Variants in PLIN4 observed in about 807,000 individuals in gnomAD.
The protein encoded by PLIN4 is perilipin-4.
In PLIN4, 57 loss-of-function variants were observed where a neutral mutation model predicts 52.4. That is an observed-to-expected ratio of 1.09 (90% CI 0.88 to 1.36). The LOEUF is 1.36. PLIN4 is among the 40% of genes most tolerant of loss of function. The pLI, the probability that PLIN4 is intolerant of heterozygous loss-of-function variation, is 0.00. For missense variants in PLIN4, 1,757 were observed against 1,770.3 expected, an observed-to-expected ratio of 0.99 and a Z score of 0.13; for synonymous variants, 826 against 785.4, an observed-to-expected ratio of 1.05 and a Z score of -0.86.
Position 4,510,679 on chromosome 19 carries a change from G to A in PLIN4, c.3281C>T (p.Thr1094Met), listed in dbSNP as rs372312491. The stretch of plus-strand genomic sequence containing the variant: ...GCCTACACTGAGCACATCCGGGGGC[G>A]TGGAGATGCCAGAGAACGGGGCCTC... The part of the protein sequence containing the change: ...PQEAPFSGIS[T>M]PPDVLSVGPE... The change falls in exon 5 of 8, where the codon ACG (threonine) becomes ATG (methionine). Residue 1094 changes from threonine (T) to methionine (M), a missense_variant. This residue lies in a region of PLIN4 where 712 missense variants were observed against 637.1 expected (regional missense o/e 1.12). Coordinates refer to ENST00000301286, the MANE Select transcript of PLIN4 (RefSeq NM_001367868.2). The A allele has an allele frequency of 6.7e-5, 102 of 1,520,812 alleles. No homozygotes were observed. The highest frequency in any genetic ancestry group is 3.2e-4 in the East Asian group (14 of 44,150). 94.2% of individuals were successfully genotyped at this position (1,520,812 alleles called of 1,614,324 possible).
intron 4 of PLIN4, among the ~76,000 whole-genome samples, chr19:4,514,190 G>A (rs1455041720): frequency 6.6e-6 from 1 of 152,306 alleles, no homozygotes; most frequent in South Asian, 2.1e-4. Context: ...GATGGCTGAT[G>A]CCTGCAATCC....
chr19:4,516,576 G>A, intron 4 of PLIN4, 41 bp downstream of exon 4: 2 of 1,571,790 alleles, frequency 1.3e-6, no homozygotes, highest in Non-Finnish European at 8.6e-7. Flanking sequence ...GCACCCCCAG[G>A]GCTCCTGCCA....
At chr19:4,513,754 AC>A in intron 4 of PLIN4, 53 bp from the exon 5 acceptor site, 2 of 1,510,692 alleles carry the variant, frequency 1.3e-6, no homozygotes. Context: ...GGTGTACTCC[AC>A]CCCGATGTCT....
At chr19:4,505,895 CT>C (rs2145247380) in intron 6 of PLIN4, among the ~76,000 whole-genome samples, 1 of 152,134 alleles carries the variant, frequency 6.6e-6, no homozygotes, top group South Asian at 2.1e-4. Flanking sequence ...CTCAGCCCCC[CT>C]GCTCTCCTTG....
At position 4,504,950 on chromosome 19, in the gene PLIN4, G is replaced by GGAGA. The variant is rs765153235; in HGVS notation, c.3703-7_3703-4dup. 55 of 1,599,666 alleles carry GGAGA rather than the reference G, an allele frequency of 3.4e-5. No homozygotes were observed. The highest frequency in any genetic ancestry group is 4.4e-5 in the Non-Finnish European group (52 of 1,174,650). On this transcript the variant is annotated splice_polypyrimidine_tract_variant and splice_region_variant and intron_variant, in intron 6 of 7. Coordinates refer to ENST00000301286, the MANE Select transcript of PLIN4 (RefSeq NM_001367868.2). ...GGAGCCTGCTGGGCCTTTTCAATCTGGAGAGAGAGTACAGTGGGGAAATGA... is the reference window on the plus strand; with the variant it reads ...GGAGCCTGCTGGGCCTTTTCAATCTGGAGAGAGAGAGAGTACAGTGGGGAAATGA...
intron 4 of PLIN4, among the ~76,000 whole-genome samples, chr19:4,515,722 TGCCCAGGATG>T (rs1285929299): frequency 6.6e-6 from 1 of 152,168 alleles, no homozygotes; most frequent in East Asian, 1.9e-4. Context: ...CACCCTGCAG[TGCCCAGGATG>T]GCCCCACCCC....
chr19:4,516,731 T>A (rs1048742143), intron 3 of PLIN4, 53 bp from the exon 4 acceptor site: 22 of 1,480,776 alleles, frequency 1.5e-5, no homozygotes, highest in Non-Finnish European at 2.0e-5. Flanking sequence ...TAGAACCATC[T>A]ACCCGGCTGC....
rs1344099820 is a variant in PLIN4, at chr19:4,512,965, C to T, written c.995G>A (p.Gly332Asp). ...GVDTSKTVLTGTKDTVCSGVT... is the reference protein window; with the variant it reads ...GVDTSKTVLTDTKDTVCSGVT... ...CCCACTACAGACGGTGTCCTTGGTA[C>T]CTGTTAGGACAGTCTTACTGGTGTC... is the stretch of plus-strand genomic sequence containing the variant. The change falls in exon 5 of 8, where the codon GGT (glycine) becomes GAT (aspartate). Residue 332 changes from glycine (G) to aspartate (D), a missense_variant. By Grantham distance (94) the Gly-to-Asp change is moderately conservative. This residue lies in a region of PLIN4 where 99 missense variants were observed against 143.4 expected (regional missense o/e 0.69). Coordinates refer to ENST00000301286, the MANE Select transcript of PLIN4 (RefSeq NM_001367868.2). 103 of 669,096 alleles carry T rather than the reference C, an allele frequency of 1.5e-4. 4 individuals carry two copies. Among genetic ancestry groups the T allele is most frequent in the Middle Eastern group, 5.9e-4 (2 of 3,392 alleles). The allele number at this position is 669,096 out of a possible 1,614,324, so 41.4% of individuals were successfully genotyped here. A position where few individuals can be genotyped will look rare whatever the true frequency, so the allele number is the denominator to read the frequency against.
rs777730375 is a variant in PLIN4 at position 4,516,644 on chromosome 19, C to T, written c.231G>A (p.Thr77=). The change falls in exon 4 of 8, where the codon ACG becomes ACA. Residue 77 remains threonine (T), a synonymous_variant. Transcript: ENST00000301286. ...TTTCCGAAGGTTGCAGCTCCTTCTC[C>T]GTCCATGGGGCCGTCTGCTCTGGGT... ...AAHPEQTAPW[T]EKELQPSEKM... The T allele has an allele frequency of 6.9e-6, 11 of 1,604,468 alleles. No homozygotes were observed. Among genetic ancestry groups the T allele is most frequent in the East Asian group, 2.2e-5 (1 of 44,514 alleles).
rs1975990516 is a variant in PLIN4 at position 4,503,508 on chromosome 19, T to G, written c.*951A>C. 1 of 152,474 alleles carries G rather than the reference T, an allele frequency of 6.6e-6. No homozygotes were observed. The highest frequency in any genetic ancestry group is 2.1e-4 in the South Asian group (1 of 4,830). The allele number at this position is 152,474 out of a possible 1,614,324, so 9.4% of individuals were successfully genotyped here. The stretch of plus-strand genomic sequence containing the variant: ...TGGGCCTGAGGACCCAGGGGGAGTG[T>G]GCGGCGGAGGAAGGGCTGTGCCATA... On this transcript the variant is annotated 3_prime_UTR_variant, in exon 8 of 8. Coordinates refer to ENST00000301286, the MANE Select transcript of PLIN4 (RefSeq NM_001367868.2).
At chr19:4,514,974 G>A (rs571206284) in intron 4 of PLIN4, among the ~76,000 whole-genome samples, 21 of 151,580 alleles carry the variant, frequency 1.4e-4, no homozygotes, top group African/African-American at 4.1e-4. Flanking sequence ...TCAAGAGTTC[G>A]AGACCAGCCT....
In PLIN4 at chr19:4,512,290, G is replaced by A; in HGVS notation, c.1670C>T (p.Thr557Ile). The change falls in exon 5 of 8, where the codon ACC (threonine) becomes ATC (isoleucine). Residue 557 changes from threonine to isoleucine, a missense_variant. Around this residue, in one of 7 missense-constraint regions of PLIN4, gnomAD observed 439 missense variants for 406.4 expected, o/e 1.08. Coordinates refer to ENST00000301286, the MANE Select transcript of PLIN4 (RefSeq NM_001367868.2). ...KGAVQGGLDT[T>I]KSVVIGTKDT... Reference sequence around the variant, plus strand: ...TTTTGTACCTATGACCACAGACTTGGTGGTGTCCAGGCCCCCCTGGACGGC... The same window carrying A: ...TTTTGTACCTATGACCACAGACTTGATGGTGTCCAGGCCCCCCTGGACGGC... 1 of 1,611,658 alleles carries A rather than the reference G, an allele frequency of 6.2e-7. No individual in the cohort carries two copies. Among genetic ancestry groups the A allele is most frequent in the South Asian group, 1.1e-5 (1 of 90,982 alleles).
chr19:4,509,228 G>A (rs1224517476), intron 5 of PLIN4, among the ~76,000 whole-genome samples: 5 of 136,140 alleles, frequency 3.7e-5, no homozygotes, highest in Admixed American at 7.7e-5. Flanking sequence ...GGAGAATGGC[G>A]TGAACCCGGG....
Position 4,504,829 on chromosome 19 carries a change from G to A in PLIN4, c.3789+32C>T, listed in dbSNP as rs369244559. ...AGGTGAGTGGAGACCCATGGGCGGG[G>A]TGGGGGGACCCTAGCCCTGTGCCAG... On this transcript the variant is annotated intron_variant, in intron 7 of 7. Transcript: ENST00000301286. 3.2e-5 allele frequency: 52 copies of A among 1,603,212 alleles called. No individual in the cohort carries two copies. In the African/African-American group the frequency reaches 6.0e-4, roughly 19 times the overall value.
rs927910112 is a variant in PLIN4 at position 4,503,750 on chromosome 19, C to G, written c.*709G>C. 1.3e-5 allele frequency: 2 copies of G among 152,880 alleles called. No individual in the cohort carries two copies. Among genetic ancestry groups the G allele is most frequent in the South Asian group, 4.1e-4 (2 of 4,836 alleles). The allele number at this position is 152,880 out of a possible 1,614,324, so 9.5% of individuals were successfully genotyped here. A position where few individuals can be genotyped will look rare whatever the true frequency, so the allele number is the denominator to read the frequency against. On this transcript the variant is annotated 3_prime_UTR_variant, in exon 8 of 8. Coordinates refer to ENST00000301286, the MANE Select transcript of PLIN4 (RefSeq NM_001367868.2). ...TGTTTTTTGCACCCCCCACCCCCTGCAAACTGCTCAGTCTCAAGCCAGGCT... is the reference window on the plus strand; with the variant it reads ...TGTTTTTTGCACCCCCCACCCCCTGGAAACTGCTCAGTCTCAAGCCAGGCT...
intron 1 of PLIN4, 32 bp from the exon 2 acceptor site, chr19:4,518,321 G>A: frequency 8.1e-7 from 1 of 1,232,496 alleles, no homozygotes; most frequent in Non-Finnish European, 1.0e-6. Flanking sequence ...GCGTGAATGG[G>A]GGTTCCCTAG....
At chr19:4,516,748 C>T (rs900122366) in intron 3 of PLIN4, 70 bp from the exon 4 acceptor site, 55 of 1,395,034 alleles carry the variant, frequency 3.9e-5, no homozygotes, top group Admixed American at 2.6e-5. Context: ...CTGCCCATTG[C>T]ACAATAGCCA....
At position 4,508,970 on chromosome 19, in the gene PLIN4, G is replaced by T. The variant is rs1057196399; in HGVS notation, c.3515-15C>A. ...AGCCAGCTGAGCTGGAAAGGAAGGC[G>T]CACCGCTCAGTCCCGGAAGCCCCTC... On this transcript the variant is annotated splice_polypyrimidine_tract_variant and intron_variant, in intron 5 of 7. Coordinates refer to ENST00000301286, the MANE Select transcript of PLIN4 (RefSeq NM_001367868.2). The T allele has an allele frequency of 6.2e-7, 1 of 1,603,920 alleles. No homozygotes were observed. Among genetic ancestry groups the T allele is most frequent in the South Asian group, 1.1e-5 (1 of 89,686 alleles).
chr19:4,504,665 GC>G lies in PLIN4; in HGVS notation c.3909del (p.Arg1304GlyfsTer19). On this transcript the variant is annotated frameshift_variant, in exon 8 of 8. Coordinates refer to ENST00000301286, the MANE Select transcript of PLIN4 (RefSeq NM_001367868.2). LOFTEE classifies it low-confidence loss of function (END_TRUNC). ...AGCTCACAGAGGCTGTGCCGCGCCC[GC>G]CCCACTGGCTGCTGGAGCTCGGCGG... ...GLPAELQQPV[G>X]RARHSLCELY... The G allele has an allele frequency of 6.2e-7, 1 of 1,602,898 alleles. No homozygotes were observed.
Sources: allele counts gnomAD v4.1 joint callset (sites outside exome capture counted in the v4.1 genomes callset), GRCh38; gene constraint gnomAD v4.1.1; regional missense constraint gnomAD v4.1.1; transcripts MANE v1.5; gene names NCBI Gene and HGNC (gene_info 2026-07-23, HGNC 2026-07-21).